The following KCNH1 variants were observed in gnomAD, a reference collection of about 807,000 sequenced individuals.
KCNH1 encodes voltage-gated delayed rectifier potassium channel KCNH1.
Under a neutral mutation model 69.2 loss-of-function variants are expected in KCNH1, and 27 were observed. The observed-to-expected ratio is 0.39, with a 90% CI of 0.29 to 0.54. The LOEUF (loss-of-function observed/expected upper bound fraction) is 0.54. Among genes scored for constraint, KCNH1 ranks in the 20% least tolerant of loss-of-function variants. The pLI is 0.68. For missense variants in KCNH1, 798 were observed against 1,261.6 expected (o/e 0.63, Z 5.57); for synonymous variants, 456 against 487.7 (o/e 0.93, Z 0.86).
chr1:211,051,725 A>T (rs1169165656), intron 5 of KCNH1, among the ~76,000 whole-genome samples: 1 of 152,242 alleles, frequency 6.6e-6, no homozygotes, highest in Non-Finnish European at 1.5e-5. Context: ...ACAAAAAGAC[A>T]TTAAAGGATT....
At chr1:210,803,592 A>G (rs1411638968) in intron 8 of KCNH1, among the ~76,000 whole-genome samples, 1 of 152,240 alleles carries the variant, frequency 6.6e-6, no homozygotes. Flanking sequence ...AAGATCAGTA[A>G]CAGTGCTGTG....
chr1:210,767,942 A>C (rs953676071), intron 10 of KCNH1, among the ~76,000 whole-genome samples: 1 of 152,116 alleles, frequency 6.6e-6, no homozygotes, highest in Non-Finnish European at 1.5e-5. Context: ...CATTCCCTCC[A>C]TTCATTCTGT....
intron 10 of KCNH1, among the ~76,000 whole-genome samples, chr1:210,694,839 A>T (rs1052443184): frequency 2.0e-5 from 3 of 152,252 alleles, no homozygotes; most frequent in African/African-American, 7.2e-5. Flanking sequence ...TGCAGTGCCT[A>T]CTGAATACAG....
At position 210,920,783 on chromosome 1, in the gene KCNH1, A is replaced by G. The variant is rs149518539; in HGVS notation, c.1033-714T>C. ...TTCCTCAGAAACATTACAAATTCTT[A>G]GAAGGCCATATCACTTCTGTCAGGC... On this transcript the variant is annotated intron_variant, in intron 6 of 10. Transcript: ENST00000271751. Among the ~76,000 whole-genome samples, 71 of 152,350 alleles carry G rather than the reference A, an allele frequency of 4.7e-4. 1 individual carries two copies. The highest frequency in any genetic ancestry group is 1.6e-3 in the African/African-American group (68 of 41,592).
At chr1:211,030,219 A>C (rs574555378) in intron 5 of KCNH1, among the ~76,000 whole-genome samples, 1 of 152,356 alleles carries the variant, frequency 6.6e-6, no homozygotes, top group East Asian at 1.9e-4. Flanking sequence ...AATAACAAAA[A>C]TAAAGTGGTT....
chr1:211,067,856 C>A (rs968583131), intron 5 of KCNH1, among the ~76,000 whole-genome samples: 5 of 152,192 alleles, frequency 3.3e-5, no homozygotes, highest in Non-Finnish European at 5.9e-5. Context: ...CACTTACCAC[C>A]AGGTGACCTC....
At position 211,033,753 on chromosome 1, in the gene KCNH1, G is replaced by A. The variant is rs1307934931; in HGVS notation, c.559-14497C>T. Among the ~76,000 whole-genome samples, 10 of 152,140 alleles carry A rather than the reference G, an allele frequency of 6.6e-5. No homozygotes were observed. The East Asian group carries it at 9.7e-4, about 15-fold the overall frequency. On this transcript the variant is annotated intron_variant, in intron 5 of 10. Transcript: ENST00000271751. ...CACAGGAAGGGGAACATCACACACCGGGGCCTGTTGTGGGGTGGGGGGAGT... is the reference window on the plus strand; with the variant it reads ...CACAGGAAGGGGAACATCACACACCAGGGCCTGTTGTGGGGTGGGGGGAGT...
intron 9 of KCNH1, among the ~76,000 whole-genome samples, chr1:210,785,019 A>T (rs1312075584): frequency 6.6e-6 from 1 of 152,180 alleles, no homozygotes; most frequent in Non-Finnish European, 1.5e-5. Context: ...ATTCAGGGGG[A>T]TAAAACAGAA....
chr1:210,739,946 C>T (rs1037170980), intron 10 of KCNH1, among the ~76,000 whole-genome samples: 2 of 152,054 alleles, frequency 1.3e-5, no homozygotes, highest in Admixed American at 1.3e-4. Context: ...AGTCTCAGTC[C>T]TAAAGGTCAA....
intron 2 of KCNH1, 33 bp from the exon 3 acceptor site, chr1:211,103,635 A>AT: frequency 1.5e-6 from 2 of 1,363,102 alleles, no homozygotes; most frequent in Non-Finnish European, 1.0e-6. Flanking sequence ...AGTTAGATTA[A>AT]GAAGTATTCA....
At chr1:210,947,506 C>T (rs1193633348) in intron 6 of KCNH1, among the ~76,000 whole-genome samples, 3 of 150,738 alleles carry the variant, frequency 2.0e-5, no homozygotes, top group African/African-American at 4.9e-5. Flanking sequence ...ACCTGGGGGG[C>T]GGAGCTTGCA....
chr1:211,027,133 A>G (rs1255488252), intron 5 of KCNH1, among the ~76,000 whole-genome samples: 1 of 152,200 alleles, frequency 6.6e-6, no homozygotes, highest in Non-Finnish European at 1.5e-5. Context: ...AAAATTATAT[A>G]TCAGAAATAT....
chr1:210,859,429 T>C (rs1422908877), intron 7 of KCNH1: 12 of 1,607,964 alleles, frequency 7.5e-6, no homozygotes, highest in Non-Finnish European at 9.4e-6. Context: ...ATCAACAGGG[T>C]TATCTTCATC....
intron 6 of KCNH1, among the ~76,000 whole-genome samples, chr1:210,938,060 AT>A (rs1290106017): frequency 6.6e-6 from 1 of 152,208 alleles, no homozygotes; most frequent in South Asian, 2.1e-4. Context: ...TGGTCATGTC[AT>A]TGGAATGTCC....
intron 10 of KCNH1, among the ~76,000 whole-genome samples, chr1:210,766,465 C>T (rs529821808): frequency 9.9e-5 from 15 of 151,742 alleles, no homozygotes; most frequent in Non-Finnish European, 1.5e-4. Context: ...GCAGAGGTTG[C>T]GGTAAGCCAA....
chr1:211,073,521 C>T (rs942092653), intron 5 of KCNH1, among the ~76,000 whole-genome samples: 17 of 152,162 alleles, frequency 1.1e-4, no homozygotes, highest in African/African-American at 3.6e-4. Context: ...AATGTCTGCT[C>T]TCAGGCCACA....
intron 6 of KCNH1, among the ~76,000 whole-genome samples, chr1:210,949,625 C>A (rs1688024255): frequency 6.6e-6 from 1 of 152,190 alleles, no homozygotes; most frequent in Non-Finnish European, 1.5e-5. Context: ...GGGGAACACG[C>A]AAAACAGCAC....
At chr1:210,925,509 T>C (rs563472200) in intron 6 of KCNH1, among the ~76,000 whole-genome samples, 1 of 152,286 alleles carries the variant, frequency 6.6e-6, no homozygotes, top group South Asian at 2.1e-4. Context: ...TGCCTGGAAA[T>C]AGACTCGGTG....
intron 7 of KCNH1, among the ~76,000 whole-genome samples, chr1:210,889,413 T>C (rs566573847): frequency 3.9e-5 from 6 of 152,312 alleles, no homozygotes; most frequent in Admixed American, 3.3e-4. Flanking sequence ...CTCAAAATAA[T>C]GAGAGCTATT....
Sources: gnomAD v4.1 joint callset for allele counts (sites outside exome capture counted in the v4.1 genomes callset) on GRCh38, gnomAD v4.1.1 for gene constraint, MANE v1.5 for transcripts, NCBI Gene and HGNC (gene_info 2026-07-23, HGNC 2026-07-21) for gene names.